Variants in MYL2 observed in about 807,000 individuals in gnomAD.
MYL2 encodes the protein myosin regulatory light chain 2, ventricular/cardiac muscle isoform.
A neutral mutation model predicts 23.0 loss-of-function variants in MYL2; 19 were observed. That is an observed-to-expected ratio of 0.83 (90% confidence interval 0.58 to 1.21). The LOEUF is 1.21. MYL2 is among the 50% of genes most tolerant of loss of function. The pLI is 0.00. For missense variants in MYL2, 180 were observed against 215.1 expected (o/e 0.84, Z 1.02); for synonymous variants, 78 against 76.2 (o/e 1.02, Z -0.13).
chr12:110,913,970 T>G (rs2071671701), intron 4 of MYL2, among the ~76,000 whole-genome samples: 1 of 152,170 alleles, frequency 6.6e-6, no homozygotes, highest in African/African-American at 2.4e-5. Context: ...TTGGCCAGGT[T>G]GGTCTTGAAC....
chr12:110,920,458 C>G, intron 1 of MYL2, 69 bp downstream of exon 1: 1 of 1,612,322 alleles, frequency 6.2e-7, no homozygotes, highest in African/African-American at 1.3e-5. Flanking sequence ...CCGCCGTGGT[C>G]CCTCGCTTGT....
intron 1 of MYL2, 61 bp downstream of exon 1, chr12:110,920,466 T>G: frequency 6.2e-7 from 1 of 1,613,444 alleles, no homozygotes; most frequent in Non-Finnish European, 8.5e-7. Flanking sequence ...GTCCCTCGCT[T>G]GTAGTGGCTT....
rs754871718 is a variant in MYL2, at chr12:110,919,089, A to G, written c.93+15T>C. On this transcript the variant is annotated intron_variant, in intron 2 of 6. Transcript: ENST00000228841. ...GGATTTCCATCCAGGCGGATGATTC[A>G]ATAGCTGCACCCACCTCCTTAAATT... 7 of 1,612,364 alleles carry G rather than the reference A, an allele frequency of 4.3e-6. No homozygotes were observed. The South Asian group carries it at 6.6e-5, about 15-fold the overall frequency.
chr12:110,914,244 C>G lies in MYL2; in HGVS notation c.216G>C (p.Glu72Asp), dbSNP rs376506450. The G allele has an allele frequency of 6.2e-7, 1 of 1,614,088 alleles. No homozygotes were observed. The highest frequency in any genetic ancestry group is 8.5e-7 in the Non-Finnish European group (1 of 1,180,030). ...KNEEIDEMIK[E>D]APGPINFTVF... Reference sequence around the variant, plus strand: ...CAGTAAAGTTAATTGGACCCGGAGCCTCCTTGATCATTTCATCAATTTCTT... The same window carrying G: ...CAGTAAAGTTAATTGGACCCGGAGCGTCCTTGATCATTTCATCAATTTCTT... The change falls in exon 4 of 7, where the codon GAG becomes GAC. Residue 72 changes from glutamate to aspartate, a missense_variant. By Grantham distance (45) the Glu-to-Asp change is conservative. Transcript: ENST00000228841.
At chr12:110,920,073 T>C (rs2136778549) in intron 1 of MYL2, among the ~76,000 whole-genome samples, 1 of 152,298 alleles carries the variant, frequency 6.6e-6, no homozygotes, top group East Asian at 1.9e-4. Context: ...CTGACCCTGA[T>C]TTGGGGACTG....
At chr12:110,912,256 A>ACTCTTCT (rs2071657456) in intron 6 of MYL2, among the ~76,000 whole-genome samples, 2 of 152,168 alleles carry the variant, frequency 1.3e-5, no homozygotes, top group Admixed American at 1.3e-4. Flanking sequence ...AAATTAGCAA[A>ACTCTTCT]AGTGCCCCTT....
intron 2 of MYL2, among the ~76,000 whole-genome samples, chr12:110,917,378 G>C (rs1383615210): frequency 6.6e-6 from 1 of 151,588 alleles, no homozygotes; most frequent in Non-Finnish European, 1.5e-5. Flanking sequence ...GGGATCACTT[G>C]AGGCCAGGAG....
rs746638853 is a variant in MYL2, at chr12:110,913,197, A to G, written c.353+49T>C. Reference sequence around the variant, plus strand: ...TGTCAGTTGTGTGTGTGTAGGGGGGACAGGGGGCAAGCAGGGAACCCCCTT... The same window carrying G: ...TGTCAGTTGTGTGTGTGTAGGGGGGGCAGGGGGCAAGCAGGGAACCCCCTT... On this transcript the variant is annotated intron_variant, in intron 5 of 6. Coordinates refer to ENST00000228841, the MANE Select transcript of MYL2 (RefSeq NM_000432.4). 1.9e-6 allele frequency: 3 copies of G among 1,608,844 alleles called. No individual in the cohort carries two copies. The South Asian group carries it at 3.3e-5, about 18-fold the overall frequency.
intron 6 of MYL2, among the ~76,000 whole-genome samples, chr12:110,912,639 A>T (rs545057803): frequency 2.0e-5 from 3 of 152,298 alleles, no homozygotes; most frequent in Non-Finnish European, 4.4e-5. Context: ...GGCTCATTGC[A>T]ACCTCTGCCT....
chr12:110,919,281 G>C (rs1412758671), intron 1 of MYL2, 88 bp from the exon 2 acceptor site: 11 of 1,074,884 alleles, frequency 1.0e-5, no homozygotes, highest in Middle Eastern at 2.9e-4. Flanking sequence ...GTTCATCTCT[G>C]TTGCAGGGCT....
chr12:110,919,735 C>G (rs1313644328), intron 1 of MYL2, among the ~76,000 whole-genome samples: 1 of 152,226 alleles, frequency 6.6e-6, no homozygotes, highest in Admixed American at 6.5e-5. Flanking sequence ...TCCGTCCTTG[C>G]ACCACATCAA....
rs2071646297 is a variant in MYL2, at chr12:110,911,018, A to G, written c.*59T>C. The G allele has an allele frequency of 2.1e-6, 3 of 1,419,600 alleles. No individual in the cohort carries two copies. The highest frequency in any genetic ancestry group is 3.0e-6 in the Non-Finnish European group (3 of 1,003,464). 87.9% of individuals were successfully genotyped at this position (1,419,600 alleles called of 1,614,324 possible). A position where few individuals can be genotyped will look rare whatever the true frequency, so the allele number is the denominator to read the frequency against. ...GACAGAGGCGGTACTCGGGGGAGAG[A>G]GATGAGGGCAGGGACCACTCTGCAA... On this transcript the variant is annotated 3_prime_UTR_variant, in exon 7 of 7. Coordinates refer to ENST00000228841, the MANE Select transcript of MYL2 (RefSeq NM_000432.4).
chr12:110,914,605 G>A (rs1261926984), intron 3 of MYL2, among the ~76,000 whole-genome samples: 1 of 152,084 alleles, frequency 6.6e-6, no homozygotes, highest in East Asian at 1.9e-4. Context: ...TGTAACCTCC[G>A]CCTCCCAGGT....
chr12:110,917,284 T>G (rs2071693212), intron 2 of MYL2, among the ~76,000 whole-genome samples: 1 of 152,004 alleles, frequency 6.6e-6, no homozygotes, highest in Non-Finnish European at 1.5e-5. Flanking sequence ...AGACACCAGT[T>G]TTTAGCTTTT....
At chr12:110,916,101 C>T (rs1364808097) in intron 2 of MYL2, among the ~76,000 whole-genome samples, 1 of 152,204 alleles carries the variant, frequency 6.6e-6, no homozygotes, top group Non-Finnish European at 1.5e-5. Context: ...TTTGGGAGGC[C>T]TAGGCCCGTG....
At chr12:110,913,399 G>A in intron 4 of MYL2, 75 bp from the exon 5 acceptor site, 1 of 1,507,660 alleles carries the variant, frequency 6.6e-7, no homozygotes, top group Non-Finnish European at 9.2e-7. Flanking sequence ...CAGGGCCCAA[G>A]TTCCCCCAGA....
At position 110,913,003 on chromosome 12, in the gene MYL2, G is replaced by T. The variant is rs61940351; in HGVS notation, c.402+93C>A. On this transcript the variant is annotated intron_variant, in intron 6 of 6. Transcript: ENST00000228841. ...ATAGCTGGTTCTCTGTCAGTGTGGGGTCAGGGGTGCTTTAGACGAGAGGGG... is the reference window on the plus strand; with the variant it reads ...ATAGCTGGTTCTCTGTCAGTGTGGGTTCAGGGGTGCTTTAGACGAGAGGGG... 136 of 1,353,400 alleles carry T rather than the reference G, an allele frequency of 1.0e-4. 3 individuals carry two copies. The Middle Eastern group carries it at 0.011, about 105-fold the overall frequency. 83.8% of individuals were successfully genotyped at this position (1,353,400 alleles called of 1,614,324 possible).
At chr12:110,913,614 A>T (rs1358987324) in intron 4 of MYL2, among the ~76,000 whole-genome samples, 2 of 152,166 alleles carry the variant, frequency 1.3e-5, no homozygotes, top group Non-Finnish European at 2.9e-5. Flanking sequence ...TCTTAGTCTC[A>T]GTTCCCCATC....
chr12:110,911,216 G>A lies in MYL2; in HGVS notation c.403-41C>T, dbSNP rs376601767. The A allele has an allele frequency of 1.6e-4, 177 of 1,127,374 alleles. No homozygotes were observed. The African/African-American group carries it at 2.6e-3, about 17-fold the overall frequency. 69.8% of individuals were successfully genotyped at this position (1,127,374 alleles called of 1,614,324 possible). A position where few individuals can be genotyped will look rare whatever the true frequency, so the allele number is the denominator to read the frequency against. On this transcript the variant is annotated intron_variant, in intron 6 of 6. Coordinates refer to ENST00000228841, the MANE Select transcript of MYL2 (RefSeq NM_000432.4). ...AACACGTGCTAAGGACGAGGGGAGGGGAACTGAGACGGAGGGTGGGGGGCT... is the reference window on the plus strand; with the variant it reads ...AACACGTGCTAAGGACGAGGGGAGGAGAACTGAGACGGAGGGTGGGGGGCT...
Sources: gnomAD v4.1 joint callset for allele counts (sites outside exome capture counted in the v4.1 genomes callset) on GRCh38, gnomAD v4.1.1 for gene constraint, MANE v1.5 for transcripts, NCBI Gene and HGNC (gene_info 2026-07-23, HGNC 2026-07-21) for gene names.